Variants in FRY observed in about 807,000 individuals in gnomAD.
The protein encoded by FRY is FRY microtubule binding protein.
Under a neutral mutation model 348.4 loss-of-function variants are expected in FRY, and 128 were observed. The observed-to-expected ratio is 0.37, with a 90% CI of 0.32 to 0.43. FRY has a LOEUF of 0.43. Among genes scored for constraint, FRY ranks in the 20% least tolerant of loss-of-function variants. The pLI, the probability that FRY is intolerant of heterozygous loss-of-function variation, is 1.00. For missense variants in FRY, 2,736 were observed against 3,695.2 expected (o/e 0.74, Z 6.73); for synonymous variants, 1,370 against 1,374.7 (o/e 1.00, Z 0.08).
intron 15 of FRY, among the ~76,000 whole-genome samples, chr13:32,156,334 G>A (rs538279246): frequency 9.9e-5 from 15 of 152,138 alleles, no homozygotes; most frequent in Non-Finnish European, 1.9e-4. Context: ...TAGGTTGGGC[G>A]CAGTGGCTCA....
At chr13:32,040,073 G>A (rs887978480) in intron 1 of FRY, among the ~76,000 whole-genome samples, 1 of 152,122 alleles carries the variant, frequency 6.6e-6, no homozygotes, top group Non-Finnish European at 1.5e-5. Context: ...TAAGAAACAC[G>A]AGGCCAACTT....
intron 1 of FRY, among the ~76,000 whole-genome samples, chr13:32,071,575 C>G (rs1874660456): frequency 6.6e-6 from 1 of 152,120 alleles, no homozygotes. Flanking sequence ...TATCCTGAGA[C>G]TTTGCTGAAG....
At chr13:32,280,497 C>T (rs1424007986) in intron 58 of FRY, among the ~76,000 whole-genome samples, 1 of 152,194 alleles carries the variant, frequency 6.6e-6, no homozygotes, top group Non-Finnish European at 1.5e-5. Context: ...CCCAGTAGTA[C>T]TCATGGCTTG....
chr13:32,265,400 G>A (rs1170619345), intron 53 of FRY, 50 bp from the exon 54 acceptor site: 1 of 1,572,914 alleles, frequency 6.4e-7, no homozygotes, highest in Non-Finnish European at 8.7e-7. Context: ...AGGTTGTCCT[G>A]TATGTTTTCT....
chr13:32,051,274 G>A lies in FRY; in HGVS notation c.70+19409G>A, dbSNP rs191184571. On this transcript the variant is annotated intron_variant, in intron 1 of 60. Coordinates refer to ENST00000542859, the MANE Select transcript of FRY (RefSeq NM_023037.3). ...TACAAGGTCTTTGAAGGAGAGGATG[G>A]GTTGGCAGGATTGAGGGAAAAGACA... is the stretch of plus-strand genomic sequence containing the variant. Among the ~76,000 whole-genome samples the A allele has an allele frequency of 1.4e-3, 215 of 152,248 alleles. 1 individual carries two copies. The highest frequency in any genetic ancestry group is 1.9e-3 in the Non-Finnish European group (130 of 68,018).
At chr13:32,189,323 T>C (rs1025431895) in intron 28 of FRY, among the ~76,000 whole-genome samples, 3 of 152,120 alleles carry the variant, frequency 2.0e-5, no homozygotes, top group African/African-American at 7.2e-5. Flanking sequence ...CACAAGTTTA[T>C]TTTGGTGCAA....
chr13:32,252,214 ATT>A (rs56102542), intron 50 of FRY, among the ~76,000 whole-genome samples: 1 of 149,508 alleles, frequency 6.7e-6, no homozygotes, highest in Non-Finnish European at 1.5e-5. Flanking sequence ...AATTTATTGG[ATT>A]TTTTTTTTAT....
chr13:32,163,316 A>G (rs928750738), intron 17 of FRY, among the ~76,000 whole-genome samples: 4 of 152,216 alleles, frequency 2.6e-5, no homozygotes, highest in Non-Finnish European at 5.9e-5. Context: ...AATGGGAAGA[A>G]AACAATCCTC....
Position 32,108,597 on chromosome 13 carries a change from A to G in FRY, c.324+6581A>G, listed in dbSNP as rs138142813. The stretch of plus-strand genomic sequence containing the variant: ...GGATGTTACAACCAGTTAAATTCCA[A>G]AAAACAGACACATTTATAAATCATC... On this transcript the variant is annotated intron_variant, in intron 3 of 60. Transcript: ENST00000542859. Among the ~76,000 whole-genome samples, 5 of 152,322 alleles carry G rather than the reference A, an allele frequency of 3.3e-5. No individual in the cohort carries two copies. In the East Asian group the frequency reaches 7.7e-4, roughly 24 times the overall value.
Position 32,296,250 on chromosome 13 carries a change from A to C in FRY, c.*790A>C, listed in dbSNP as rs1214408630. 2 of 152,588 alleles carry C rather than the reference A, an allele frequency of 1.3e-5. No individual in the cohort carries two copies. Among genetic ancestry groups the C allele is most frequent in the African/African-American group, 4.8e-5 (2 of 41,458 alleles). The allele number at this position is 152,588 out of a possible 1,614,324, so 9.5% of individuals were successfully genotyped here. The stretch of plus-strand genomic sequence containing the variant: ...CTGCTGAAGGATGAGTGTTAATTTT[A>C]ATTAACTTTGCCGTTTTGTAGAGAA... On this transcript the variant is annotated 3_prime_UTR_variant, in exon 61 of 61. Coordinates refer to ENST00000542859, the MANE Select transcript of FRY (RefSeq NM_023037.3).
intron 4 of FRY, among the ~76,000 whole-genome samples, chr13:32,117,892 A>G (rs1878404102): frequency 6.6e-6 from 1 of 152,162 alleles, no homozygotes; most frequent in African/African-American, 2.4e-5. Flanking sequence ...ACTGGACGTT[A>G]GTGGTAGTCC....
At chr13:32,056,558 C>G (rs1245953909) in intron 1 of FRY, among the ~76,000 whole-genome samples, 1 of 152,166 alleles carries the variant, frequency 6.6e-6, no homozygotes, top group African/African-American at 2.4e-5. Flanking sequence ...ATGGTTTCCA[C>G]AGGGAAGAGG....
intron 4 of FRY, among the ~76,000 whole-genome samples, chr13:32,122,033 G>A (rs963070930): frequency 4.6e-5 from 7 of 152,086 alleles, no homozygotes; most frequent in African/African-American, 1.4e-4. Context: ...TGTTGAAAAG[G>A]GTGCCCTCTC....
intron 3 of FRY, among the ~76,000 whole-genome samples, chr13:32,106,538 A>G (rs921391746): frequency 5.3e-5 from 8 of 152,242 alleles, no homozygotes; most frequent in Non-Finnish European, 1.2e-4. Flanking sequence ...AAAGTCCAGT[A>G]TGGCTGCTAG....
intron 40 of FRY, among the ~76,000 whole-genome samples, chr13:32,229,221 C>T (rs936404598): frequency 2.6e-5 from 4 of 152,226 alleles, no homozygotes; most frequent in Non-Finnish European, 5.9e-5. Flanking sequence ...GTTAGGTCTT[C>T]TGGTTCTTCT....
At position 32,134,887 on chromosome 13, in the gene FRY, CTT is replaced by C. The variant is rs1566089831; in HGVS notation, c.886-13_886-12del. On this transcript the variant is annotated splice_polypyrimidine_tract_variant and intron_variant, in intron 8 of 60. Transcript: ENST00000542859. ...TCAACCTACTCTCCCTCCCTATACT[CTT>C]TTTCTGCTTCCCAGGAATGTGCACA... 2.0e-6 allele frequency: 3 copies of C among 1,529,052 alleles called. No homozygotes were observed. The highest frequency in any genetic ancestry group is 1.4e-5 in the African/African-American group (1 of 73,218). 94.7% of individuals were successfully genotyped at this position (1,529,052 alleles called of 1,614,324 possible). A position where few individuals can be genotyped will look rare whatever the true frequency, so the allele number is the denominator to read the frequency against.
intron 4 of FRY, among the ~76,000 whole-genome samples, chr13:32,122,702 G>A (rs1878748833): frequency 1.3e-5 from 2 of 152,114 alleles, no homozygotes; most frequent in South Asian, 2.1e-4. Context: ...TCAGACAAGA[G>A]AAAGAAATAA....
At chr13:32,125,275 C>A (rs911973020) in intron 7 of FRY, among the ~76,000 whole-genome samples, 2 of 152,142 alleles carry the variant, frequency 1.3e-5, no homozygotes, top group African/African-American at 4.8e-5. Context: ...TACTATAGAC[C>A]TTACTTAATT....
chr13:32,183,713 T>C (rs565066045), intron 24 of FRY, among the ~76,000 whole-genome samples: 2 of 138,386 alleles, frequency 1.4e-5, no homozygotes, highest in African/African-American at 5.5e-5. Flanking sequence ...GAGGTGGAGG[T>C]TGCAGTGAGC....
Sources: gnomAD v4.1 joint callset for allele counts (sites outside exome capture counted in the v4.1 genomes callset) on GRCh38, gnomAD v4.1.1 for gene constraint, MANE v1.5 for transcripts, NCBI Gene and HGNC (gene_info 2026-07-23, HGNC 2026-07-21) for gene names.